The following SP2 variants were observed in gnomAD, a reference collection of about 807,000 sequenced individuals.
SP2 encodes the protein transcription factor Sp2.
SP2 carries 9 observed loss-of-function variants against 50.1 expected under a neutral mutation model. The ratio of observed to expected loss-of-function variants is 0.18; its 90% CI spans 0.11 to 0.31. The LOEUF (loss-of-function observed/expected upper bound fraction) is 0.31, where lower values mean the gene tolerates loss of function less well. Among genes scored for constraint, SP2 ranks in the 10% least tolerant of loss-of-function variants. The pLI is 1.00. For synonymous variants in SP2, 313 were observed against 326.6 expected (o/e 0.96, Z 0.45); for missense variants, 581 against 806.5 (o/e 0.72, Z 3.39).
At chr17:47,898,593 A>G (rs969359047) in intron 1 of SP2, 1 of 152,024 alleles carries the variant, frequency 6.6e-6, no homozygotes, top group Non-Finnish European at 1.5e-5. Context: ...TTTTTCTAAT[A>G]CTTATTTTTT....
chr17:47,916,409 C>G lies in SP2; in HGVS notation c.338C>G (p.Ala113Gly). ...ASYPGGQLVF[A>G]IQNPTMINKG... ...TATCCTGGAGGGCAGCTGGTGTTCG[C>G]TATCCAGAATCCCACCATGATCAAC... Residue 113 changes from alanine (A) to glycine (G), a missense_variant, in exon 3 of 7, where the codon GCT (alanine) becomes GGT (glycine). By Grantham distance (60) the Ala-to-Gly change is moderately conservative (BLOSUM62 0). Around this residue, in one of 2 missense-constraint regions of SP2, gnomAD observed 397 missense variants for 491.0 expected, o/e 0.81. Coordinates refer to ENST00000376741, the MANE Select transcript of SP2 (RefSeq NM_003110.6). The surrounding 1 kb of genome is among the most constrained non-coding windows in gnomAD (Gnocchi z 4.7). 1 of 1,614,132 alleles carries G rather than the reference C, an allele frequency of 6.2e-7. No homozygotes were observed. The highest frequency in any genetic ancestry group is 1.1e-5 in the South Asian group (1 of 91,088).
downstream of SP2, among the ~76,000 whole-genome samples, chr17:47,931,254 G>A (rs2035811820): frequency 6.6e-6 from 1 of 152,166 alleles, no homozygotes; most frequent in South Asian, 2.1e-4. Flanking sequence ...GAGGCAGGCA[G>A]GAGAATTGGT....
chr17:47,925,556 T>C lies in SP2; in HGVS notation c.1741+15T>C, dbSNP rs1344048314. ...CACCCACACAGGTCAGCCCCCTGCCTTCGGGACCCTCCACCCACAGAGGTC... is the reference window on the plus strand; with the variant it reads ...CACCCACACAGGTCAGCCCCCTGCCCTCGGGACCCTCCACCCACAGAGGTC... On this transcript the variant is annotated intron_variant, in intron 6 of 6. Transcript: ENST00000376741. 1.2e-6 allele frequency: 2 copies of C among 1,604,252 alleles called. No homozygotes were observed. Among genetic ancestry groups the C allele is most frequent in the South Asian group, 2.2e-5 (2 of 90,646 alleles).
chr17:47,923,229 G>A lies in SP2; in HGVS notation c.1327G>A (p.Gly443Ser). ...GGCAATGCAGACCATCAACATCAAT[G>A]GTGTCCAGGTCCAGGGCGTGCCTGT... is the stretch of plus-strand genomic sequence containing the variant. ...AQAMQTININ[G>S]VQVQGVPVTI... The change falls in exon 4 of 7, where the codon GGT becomes AGT. Residue 443 changes from glycine to serine, a missense_variant. Physicochemically the swap from Gly to Ser is moderately conservative, Grantham distance 56. This residue lies in a region of SP2 where 184 missense variants were observed against 315.5 expected (regional missense o/e 0.58). Transcript: ENST00000376741. The A allele has an allele frequency of 6.2e-7, 1 of 1,610,788 alleles. No homozygotes were observed. The highest frequency in any genetic ancestry group is 8.5e-7 in the Non-Finnish European group (1 of 1,180,000).
chr17:47,904,980 C>G (rs4794261), intron 1 of SP2, among the ~76,000 whole-genome samples: 42,516 of 152,006 alleles, frequency 0.28, 6,837 homozygotes, highest in Middle Eastern at 0.41. Context: ...CTGTATTGCC[C>G]AGGCTAGTCT....
intron 3 of SP2, among the ~76,000 whole-genome samples, chr17:47,921,651 T>G (rs1655652500): frequency 1.3e-5 from 2 of 152,270 alleles, no homozygotes; most frequent in Non-Finnish European, 1.5e-5. Flanking sequence ...AGCTGGCTTG[T>G]ATCTTTTCAA....
chr17:47,902,915 C>G (rs902158912), intron 1 of SP2, among the ~76,000 whole-genome samples: 1 of 152,186 alleles, frequency 6.6e-6, no homozygotes, highest in Non-Finnish European at 1.5e-5. Context: ...ACCACCACGC[C>G]CGGCTAATTT....
chr17:47,923,532 G>T (rs1040712683), intron 4 of SP2, among the ~76,000 whole-genome samples: 1 of 152,202 alleles, frequency 6.6e-6, no homozygotes, highest in Non-Finnish European at 1.5e-5. Flanking sequence ...ACATCCAAAC[G>T]CAAAGACGGC....
At chr17:47,898,658 A>C (rs546336412) in intron 1 of SP2, 2 of 152,286 alleles carry the variant, frequency 1.3e-5, no homozygotes, top group South Asian at 4.1e-4. Context: ...GCTTCCAAAC[A>C]CTGAAAAACT....
At chr17:47,902,776 A>T (rs1173152715) in intron 1 of SP2, among the ~76,000 whole-genome samples, 1 of 151,902 alleles carries the variant, frequency 6.6e-6, no homozygotes, top group Non-Finnish European at 1.5e-5. Flanking sequence ...GTTTTTTGAG[A>T]TGTTGTTTTG....
intron 3 of SP2, 83 bp downstream of exon 3, chr17:47,917,213 C>T: frequency 6.5e-6 from 9 of 1,380,722 alleles, no homozygotes; most frequent in Non-Finnish European, 8.9e-6. Flanking sequence ...CTGGTCATCT[C>T]CCAGCTTGAT....
intron 3 of SP2, chr17:47,918,687 A>G (rs1327496479): frequency 3.9e-5 from 6 of 152,224 alleles, no homozygotes; most frequent in Non-Finnish European, 8.8e-5. Flanking sequence ...TACCTTGTTA[A>G]CTGTATATAT....
chr17:47,922,068 G>A (rs547792577), intron 3 of SP2, among the ~76,000 whole-genome samples: 9 of 152,234 alleles, frequency 5.9e-5, no homozygotes, highest in South Asian at 2.1e-4. Flanking sequence ...GCACCACAGT[G>A]TTCCGTCTAG....
intron 1 of SP2, among the ~76,000 whole-genome samples, chr17:47,905,422 C>T (rs2034717573): frequency 6.6e-6 from 1 of 152,190 alleles, no homozygotes; most frequent in African/African-American, 2.4e-5. Flanking sequence ...GAAAGCCAGA[C>T]CCACGATGGC....
intron 1 of SP2, among the ~76,000 whole-genome samples, chr17:47,913,026 ATTTTTTGTCTT>A (rs2035053115): frequency 6.6e-6 from 1 of 151,064 alleles, no homozygotes; most frequent in Non-Finnish European, 1.5e-5. Flanking sequence ...CGCCCTGCTA[ATTTTTTGTCTT>A]TTTAGTAGAG....
rs370407425 is a variant in SP2, at chr17:47,916,411, A to G, written c.340A>G (p.Ile114Val). ...TCCTGGAGGGCAGCTGGTGTTCGCTATCCAGAATCCCACCATGATCAACAA... is the reference window on the plus strand; with the variant it reads ...TCCTGGAGGGCAGCTGGTGTTCGCTGTCCAGAATCCCACCATGATCAACAA... ...SYPGGQLVFAIQNPTMINKGT... is the reference protein window; with the variant it reads ...SYPGGQLVFAVQNPTMINKGT... Residue 114 changes from isoleucine to valine, a missense_variant, in exon 3 of 7, where the codon ATC becomes GTC. Physicochemically the swap from Ile to Val is conservative, Grantham distance 29. Transcript: ENST00000376741. This position sits in a 1 kb window ranked among gnomAD's most constrained non-coding sequence, Gnocchi z 4.7. 1.2e-6 allele frequency: 2 copies of G among 1,614,130 alleles called. No homozygotes were observed. Among genetic ancestry groups the G allele is most frequent in the South Asian group, 1.1e-5 (1 of 91,088 alleles).
Position 47,923,020 on chromosome 17 carries a change from C to T in SP2, c.1118C>T (p.Pro373Leu). 1.2e-6 allele frequency: 2 copies of T among 1,614,202 alleles called. No homozygotes were observed. Among genetic ancestry groups the T allele is most frequent in the Non-Finnish European group, 1.7e-6 (2 of 1,180,034 alleles). ...VQTVLVQDSPPATAAATSNTT... is the reference protein window; with the variant it reads ...VQTVLVQDSPLATAAATSNTT... ...ACAGTCCTTGTCCAGGACAGCCCCC[C>T]AGCAACAGCTGCAGCCACCTCTAAC... Residue 373 changes from proline to leucine, a missense_variant, in exon 4 of 7, where the codon CCA (proline) becomes CTA (leucine). By Grantham distance (98) the Pro-to-Leu change is moderately conservative (BLOSUM62 -3). Coordinates refer to ENST00000376741, the MANE Select transcript of SP2 (RefSeq NM_003110.6).
At position 47,916,744 on chromosome 17, in the gene SP2, A is replaced by G. The variant is rs756864669; in HGVS notation, c.673A>G (p.Thr225Ala). 2.5e-6 allele frequency: 4 copies of G among 1,613,030 alleles called. No individual in the cohort carries two copies. The highest frequency in any genetic ancestry group is 1.3e-5 in the African/African-American group (1 of 74,878). ...CAACAACCTTGTGAACGCCAGTGAC[A>G]CCGGGGCCCCTACTCAGCTCCTCAC... The part of the protein sequence containing the change: ...PVNNLVNASD[T>A]GAPTQLLTES... Residue 225 changes from threonine to alanine, a missense_variant, in exon 3 of 7, where the codon ACC becomes GCC. Thr to Ala is a moderately conservative substitution (Grantham distance 58). This residue lies in a region of SP2 where 397 missense variants were observed against 491.0 expected (regional missense o/e 0.81). Transcript: ENST00000376741. The surrounding 1 kb of genome is among the most constrained non-coding windows in gnomAD (Gnocchi z 4.7).
chr17:47,931,023 T>C (rs1445488600), downstream of SP2, among the ~76,000 whole-genome samples: 1 of 152,126 alleles, frequency 6.6e-6, no homozygotes, highest in East Asian at 1.9e-4. Flanking sequence ...TTGCCCTTCC[T>C]TCAGACCACC....
Sources: gnomAD v4.1 joint callset for allele counts (sites outside exome capture counted in the v4.1 genomes callset) on GRCh38, gnomAD v4.1.1 for gene constraint, gnomAD v4.1.1 regional missense constraint, Gnocchi (gnomAD v3.1) non-coding constraint, MANE v1.5 for transcripts, NCBI Gene and HGNC (gene_info 2026-07-23, HGNC 2026-07-21) for gene names.